Variants in ASTN2 observed in about 807,000 individuals in gnomAD.
ASTN2 encodes the protein astrotactin 2, also known as astrotactin-2.
In ASTN2, 54 loss-of-function variants were observed where a neutral mutation model predicts 139.8. The ratio of observed to expected loss-of-function variants is 0.39; its 90% CI spans 0.31 to 0.48. ASTN2 has a LOEUF of 0.48. Among genes scored for constraint, ASTN2 ranks in the 20% least tolerant of loss-of-function variants. ASTN2 has a pLI of 0.95. For synonymous variants in ASTN2, 756 were observed against 719.5 expected, an observed-to-expected ratio of 1.05 and a Z score of -0.81; for missense variants, 1,565 against 1,725.1, an observed-to-expected ratio of 0.91 and a Z score of 1.64.
At chr9:116,766,122 T>C (rs776821416) in intron 13 of ASTN2, among the ~76,000 whole-genome samples, 11 of 152,020 alleles carry the variant, frequency 7.2e-5, no homozygotes, top group African/African-American at 1.5e-4. Context: ...CTGGTAATAG[T>C]TATTATAAAG....
intron 10 of ASTN2, among the ~76,000 whole-genome samples, chr9:116,974,212 C>T (rs1245313522): frequency 2.0e-5 from 3 of 152,200 alleles, no homozygotes; most frequent in Admixed American, 6.5e-5. Context: ...AAATCCTCCA[C>T]TGGAAAGCTC....
chr9:117,300,650 T>C (rs999994643), intron 1 of ASTN2, among the ~76,000 whole-genome samples: 1 of 152,178 alleles, frequency 6.6e-6, no homozygotes, highest in East Asian at 1.9e-4. Flanking sequence ...TTCATAATTC[T>C]AAGAGATCCT....
chr9:116,465,969 TA>T (rs145232964), intron 20 of ASTN2, among the ~76,000 whole-genome samples: 49,006 of 151,758 alleles, frequency 0.32, 8,355 homozygotes, highest in East Asian at 0.49. Context: ...CTCCATACTT[TA>T]TTTTATTTCA....
intron 20 of ASTN2, among the ~76,000 whole-genome samples, chr9:116,445,177 G>A (rs2118893630): frequency 6.6e-6 from 1 of 152,202 alleles, no homozygotes; most frequent in Non-Finnish European, 1.5e-5. Context: ...TGATATAAAT[G>A]AATGAATGAA....
At chr9:117,102,999 C>T (rs1829018734) in intron 4 of ASTN2, among the ~76,000 whole-genome samples, 1 of 151,924 alleles carries the variant, frequency 6.6e-6, no homozygotes, top group Admixed American at 6.6e-5. Flanking sequence ...AATTACATAG[C>T]CACCTTGAAA....
At chr9:117,359,024 G>A (rs2130892334) in intron 1 of ASTN2, among the ~76,000 whole-genome samples, 1 of 152,236 alleles carries the variant, frequency 6.6e-6, no homozygotes, top group Non-Finnish European at 1.5e-5. Flanking sequence ...TCCTCTAAGA[G>A]TAAACCTGGA....
intron 13 of ASTN2, among the ~76,000 whole-genome samples, chr9:116,787,513 C>T (rs1830406280): frequency 6.6e-6 from 1 of 152,194 alleles, no homozygotes. Context: ...AATTAGCAAA[C>T]ACAGATGGCC....
At chr9:117,121,783 T>TA (rs1390877765) in intron 4 of ASTN2, among the ~76,000 whole-genome samples, 2 of 152,160 alleles carry the variant, frequency 1.3e-5, no homozygotes, top group Non-Finnish European at 2.9e-5. Context: ...ACAGGAAACT[T>TA]ACAATCATGG....
chr9:116,709,533 T>C (rs1828085517), intron 16 of ASTN2, among the ~76,000 whole-genome samples: 1 of 152,198 alleles, frequency 6.6e-6, no homozygotes, highest in East Asian at 1.9e-4. Flanking sequence ...ATCTGCACAG[T>C]TCTATAGACT....
chr9:116,673,024 A>G (rs1000308907), intron 16 of ASTN2, among the ~76,000 whole-genome samples: 24 of 152,266 alleles, frequency 1.6e-4, no homozygotes, highest in African/African-American at 5.3e-4. Flanking sequence ...CACTTAAGCT[A>G]TGACAGGAAA....
chr9:117,134,303 C>G (rs914158650), intron 4 of ASTN2, among the ~76,000 whole-genome samples: 3 of 78,622 alleles, frequency 3.8e-5, no homozygotes, highest in East Asian at 2.9e-4. Flanking sequence ...TATACACACA[C>G]ACACACACAC....
chr9:117,376,632 G>A (rs1338689586), intron 1 of ASTN2, among the ~76,000 whole-genome samples: 1 of 152,162 alleles, frequency 6.6e-6, no homozygotes. Flanking sequence ...CGAAGCCTGA[G>A]CTAAATAGAC....
intron 7 of ASTN2, among the ~76,000 whole-genome samples, chr9:116,996,054 T>C (rs1459444558): frequency 6.6e-6 from 1 of 151,992 alleles, no homozygotes; most frequent in African/African-American, 2.4e-5. Flanking sequence ...TTTCCCAAGC[T>C]GGTCTTGAAC....
intron 19 of ASTN2, among the ~76,000 whole-genome samples, chr9:116,502,767 G>A (rs1200337740): frequency 4.8e-5 from 3 of 62,704 alleles, no homozygotes; most frequent in African/African-American, 1.8e-4. Context: ...AGGAGAGAAG[G>A]AAGGAAGGAA....
In ASTN2 at chr9:116,609,945, A is replaced by AT. The variant is rs528687491; in HGVS notation, c.3355+8378dup. 1.2e-3 allele frequency among the ~76,000 whole-genome samples: 184 copies of AT among 152,196 alleles called. 2 individuals carry two copies. In the South Asian group the frequency reaches 0.012, roughly 10 times the overall value. ...CTGTAAACCCTGAAGCAAACACTAA[A>AT]TTTTTTTAAAAAAGAGTTATTGCTA... On this transcript the variant is annotated intron_variant, in intron 19 of 22. Coordinates refer to ENST00000313400, the MANE Select transcript of ASTN2 (RefSeq NM_001365068.1).
At chr9:117,276,560 A>G (rs1587902919) in intron 2 of ASTN2, among the ~76,000 whole-genome samples, 3 of 152,362 alleles carry the variant, frequency 2.0e-5, no homozygotes, top group South Asian at 2.1e-4. Context: ...GCCTCTGGAC[A>G]CTTCATTAGG....
chr9:117,314,002 CA>C (rs1357938573), intron 1 of ASTN2, among the ~76,000 whole-genome samples: 1 of 152,106 alleles, frequency 6.6e-6, no homozygotes, highest in Non-Finnish European at 1.5e-5. Flanking sequence ...TTGTGCAAAA[CA>C]AAAGCATTAT....
chr9:116,865,339 A>AGCCT (rs1832986694), intron 10 of ASTN2, among the ~76,000 whole-genome samples: 1 of 136,424 alleles, frequency 7.3e-6, no homozygotes, highest in Non-Finnish European at 1.5e-5. Flanking sequence ...GGTTTAGAGG[A>AGCCT]GCCTGCCTGT....
rs759945386 is a variant in ASTN2 at position 116,698,239 on chromosome 9, G to A, written c.2806+27532C>T. On this transcript the variant is annotated intron_variant, in intron 16 of 22. Transcript: ENST00000313400. This position sits in a 1 kb window ranked among gnomAD's most constrained non-coding sequence, Gnocchi z 4.4. ...GAACTTATGGGGGAGCTGCAGCGGC[G>A]GAAGGCAGCCTTGGAAGGTGTCTCC... is the stretch of plus-strand genomic sequence containing the variant. 48 of 1,614,004 alleles carry A rather than the reference G, an allele frequency of 3.0e-5. No individual in the cohort carries two copies. The highest frequency in any genetic ancestry group is 3.3e-4 in the Middle Eastern group (2 of 6,084).
Sources: allele counts gnomAD v4.1 joint callset (sites outside exome capture counted in the v4.1 genomes callset), GRCh38; gene constraint gnomAD v4.1.1; non-coding constraint Gnocchi (gnomAD v3.1); transcripts MANE v1.5; gene names NCBI Gene and HGNC (gene_info 2026-07-23, HGNC 2026-07-21).